Variants in CAMTA1 observed in about 807,000 individuals in gnomAD.
CAMTA1 encodes calmodulin-binding transcription activator 1.
A neutral mutation model predicts 170.9 loss-of-function variants in CAMTA1; 27 were observed. The ratio of observed to expected loss-of-function variants is 0.16; its 90% CI spans 0.12 to 0.22. CAMTA1 has a LOEUF of 0.22. Ranked by LOEUF, CAMTA1 falls within the 10% of genes least tolerant of loss-of-function variation. CAMTA1 has a pLI of 1.00. For synonymous variants in CAMTA1, 833 were observed against 891.5 expected, an observed-to-expected ratio of 0.93 and a Z score of 1.17; for missense variants, 1,619 against 2,217.2, an observed-to-expected ratio of 0.73 and a Z score of 5.42.
At chr1:6,833,021 A>G (rs1031829332) in intron 3 of CAMTA1, among the ~76,000 whole-genome samples, 9 of 151,036 alleles carry the variant, frequency 6.0e-5, no homozygotes, top group African/African-American at 2.2e-4. Context: ...GCAGTGCCTC[A>G]GCAGCAGCAG....
chr1:7,358,615 G>A (rs943100759), intron 5 of CAMTA1, among the ~76,000 whole-genome samples: 1 of 152,136 alleles, frequency 6.6e-6, no homozygotes, highest in Non-Finnish European at 1.5e-5. Context: ...CGTCAGACTT[G>A]GCTACCTCTG....
intron 4 of CAMTA1, among the ~76,000 whole-genome samples, chr1:7,108,714 A>T (rs114173124): frequency 2.2e-3 from 333 of 152,356 alleles, no homozygotes; most frequent in Non-Finnish European, 3.7e-3. Context: ...TATTCATCCA[A>T]CAAATATTTA....
intron 4 of CAMTA1, among the ~76,000 whole-genome samples, chr1:7,147,579 A>C (rs1257409488): frequency 1.3e-5 from 2 of 151,698 alleles, no homozygotes; most frequent in East Asian, 3.9e-4. Flanking sequence ...ACACACACGC[A>C]CTGAAATATG....
intron 3 of CAMTA1, among the ~76,000 whole-genome samples, chr1:7,024,456 G>C (rs998551932): frequency 2.6e-5 from 4 of 152,232 alleles, no homozygotes; most frequent in Admixed American, 2.6e-4. Flanking sequence ...CTGGCCTGCT[G>C]TCTGTATTTT....
chr1:7,507,977 T>C (rs547827820), intron 6 of CAMTA1, among the ~76,000 whole-genome samples: 4 of 152,366 alleles, frequency 2.6e-5, no homozygotes, highest in African/African-American at 9.6e-5. Context: ...CACTCTGTAA[T>C]GCCCACTTGT....
intron 5 of CAMTA1, among the ~76,000 whole-genome samples, chr1:7,268,808 A>C (rs1669287891): frequency 6.6e-6 from 1 of 152,254 alleles, no homozygotes; most frequent in Non-Finnish European, 1.5e-5. Context: ...TATATCCAGG[A>C]GAGAAATCAG....
At chr1:7,539,780 C>T (rs12092656) in intron 6 of CAMTA1, among the ~76,000 whole-genome samples, 10,969 of 152,270 alleles carry the variant, frequency 0.072, 601 homozygotes, top group East Asian at 0.27. Context: ...CAGGGCCAGA[C>T]GGCAGGGCCA....
intron 5 of CAMTA1, among the ~76,000 whole-genome samples, chr1:7,283,548 C>T (rs983240256): frequency 3.3e-5 from 5 of 152,192 alleles, no homozygotes; most frequent in South Asian, 2.1e-4. Context: ...CACTACTTGA[C>T]GTCTCCCCTT....
rs111402824 is a variant in CAMTA1 at position 7,605,375 on chromosome 1, C to T, written c.511-35025C>T. Among the ~76,000 whole-genome samples, 42 of 152,350 alleles carry T rather than the reference C, an allele frequency of 2.8e-4. 1 individual carries two copies. The highest frequency in any genetic ancestry group is 1.0e-3 in the African/African-American group (42 of 41,584). ...CCGCTTTATTTACCTACTCAAGCCT[C>T]GGCAATGGCAGGCGCCCCTCCCCAA... On this transcript the variant is annotated intron_variant, in intron 6 of 22. Coordinates refer to ENST00000303635, the MANE Select transcript of CAMTA1 (RefSeq NM_015215.4).
rs140222910 is a variant in CAMTA1 at position 6,917,783 on chromosome 1, G to T, written c.234+92573G>T. On this transcript the variant is annotated intron_variant, in intron 3 of 22. Coordinates refer to ENST00000303635, the MANE Select transcript of CAMTA1 (RefSeq NM_015215.4). ...AGACCCACAGGAGAGGGCAGAGTGG[G>T]GTGGGGGAGGGGGCCCCGAGAAAGA... Among the ~76,000 whole-genome samples the T allele has an allele frequency of 7.3e-3, 1,106 of 151,120 alleles. 12 individuals carry two copies. The highest frequency in any genetic ancestry group is 0.011 in the Non-Finnish European group (727 of 67,816).
At position 7,249,737 on chromosome 1, in the gene CAMTA1, T is replaced by C; in HGVS notation, c.438+111T>C. The C allele has an allele frequency of 7.6e-7, 1 of 1,323,396 alleles. No individual in the cohort carries two copies. The highest frequency in any genetic ancestry group is 2.5e-5 in the East Asian group (1 of 39,950). 82.0% of individuals were successfully genotyped at this position (1,323,396 alleles called of 1,614,324 possible). A position where few individuals can be genotyped will look rare whatever the true frequency, so the allele number is the denominator to read the frequency against. Reference sequence around the variant, plus strand: ...CGAGTCACCTCTGTCCAAAGAATTTTTGTTTGCCAAGACCCTGGTTTTTGC... The same window carrying C: ...CGAGTCACCTCTGTCCAAAGAATTTCTGTTTGCCAAGACCCTGGTTTTTGC... On this transcript the variant is annotated intron_variant, in intron 5 of 22. Coordinates refer to ENST00000303635, the MANE Select transcript of CAMTA1 (RefSeq NM_015215.4). The surrounding 1 kb of genome is among the most constrained non-coding windows in gnomAD (Gnocchi z 4.4).
At chr1:6,947,816 C>T (rs1444432060) in intron 3 of CAMTA1, among the ~76,000 whole-genome samples, 2 of 151,556 alleles carry the variant, frequency 1.3e-5, no homozygotes, top group African/African-American at 4.9e-5. Context: ...ATTTTATTTC[C>T]AGAATTTTTC....
At chr1:7,378,175 A>G (rs2086991754) in intron 5 of CAMTA1, among the ~76,000 whole-genome samples, 1 of 152,204 alleles carries the variant, frequency 6.6e-6, no homozygotes, top group South Asian at 2.1e-4. Flanking sequence ...TGAGCTTTAC[A>G]TAAGTGCTGG....
chr1:7,166,140 C>T (rs1340350898), intron 4 of CAMTA1, among the ~76,000 whole-genome samples: 1 of 151,848 alleles, frequency 6.6e-6, no homozygotes, highest in Admixed American at 6.6e-5. Flanking sequence ...GATCTCGGCT[C>T]ACTGCAAGCT....
chr1:7,407,251 G>A (rs1376488967), intron 5 of CAMTA1, among the ~76,000 whole-genome samples: 2 of 152,188 alleles, frequency 1.3e-5, no homozygotes, highest in Non-Finnish European at 2.9e-5. Context: ...TGACTTGGGG[G>A]GCTCATGGCT....
chr1:7,263,153 C>T (rs146766673), intron 5 of CAMTA1, among the ~76,000 whole-genome samples: 75 of 152,038 alleles, frequency 4.9e-4, no homozygotes, highest in African/African-American at 1.6e-3. Flanking sequence ...GACAAGTGTG[C>T]GCTTCATTAT....
Position 7,463,522 on chromosome 1 carries a change from G to A in CAMTA1, c.439-4308G>A, listed in dbSNP as rs144736910. On this transcript the variant is annotated intron_variant, in intron 5 of 22. Transcript: ENST00000303635. This position sits in a 1 kb window ranked among gnomAD's most constrained non-coding sequence, Gnocchi z 4.7. ...AGAGAAAGAAAGAGACTGAGAAAGA[G>A]ATTGAGAGACAGGGAGAGACAGAGA... 4.8e-4 allele frequency among the ~76,000 whole-genome samples: 73 copies of A among 152,094 alleles called. No individual in the cohort carries two copies. The East Asian group carries it at 0.013, about 27-fold the overall frequency.
At chr1:7,018,321 G>A (rs1320445752) in intron 3 of CAMTA1, among the ~76,000 whole-genome samples, 1 of 152,104 alleles carries the variant, frequency 6.6e-6, no homozygotes, top group Non-Finnish European at 1.5e-5. Context: ...AGTGAATGAA[G>A]ACACAGATAG....
intron 3 of CAMTA1, among the ~76,000 whole-genome samples, chr1:6,902,077 A>AAAAG (rs1677145438): frequency 1.4e-5 from 1 of 70,874 alleles, no homozygotes; most frequent in African/African-American, 3.5e-5. Context: ...ACACACAAAA[A>AAAAG]AAAAAATAAA....
Sources: gnomAD v4.1 joint callset for allele counts (sites outside exome capture counted in the v4.1 genomes callset) on GRCh38, gnomAD v4.1.1 for gene constraint, Gnocchi (gnomAD v3.1) non-coding constraint, MANE v1.5 for transcripts, NCBI Gene and HGNC (gene_info 2026-07-23, HGNC 2026-07-21) for gene names.